The following ATP8A1 variants were observed in gnomAD, a reference collection of about 807,000 sequenced individuals.
The protein encoded by ATP8A1 is ATPase phospholipid transporting 8A1, also known as phospholipid-transporting ATPase IA.
Under a neutral mutation model 177.7 loss-of-function variants are expected in ATP8A1, and 90 were observed. The ratio of observed to expected loss-of-function variants is 0.51; its 90% CI spans 0.43 to 0.60. The LOEUF (loss-of-function observed/expected upper bound fraction) is 0.60, where lower values mean the gene tolerates loss of function less well. Among genes scored for constraint, ATP8A1 ranks in the 20% least tolerant of loss-of-function variants. The pLI is 0.00. For missense variants in ATP8A1, 1,072 were observed against 1,392.8 expected (o/e 0.77, Z 3.67); for synonymous variants, 493 against 485.9 (o/e 1.01, Z -0.19).
chr4:42,503,568 G>C lies in ATP8A1; in HGVS notation c.2087-54C>G, dbSNP rs1440755687. On this transcript the variant is annotated intron_variant, in intron 23 of 36. Transcript: ENST00000381668. ...TTAATTTCTCCAGAGAATATGTAAA[G>C]ATGTTAAAACAATGATATGTACTAT... The C allele has an allele frequency of 5.8e-6, 7 of 1,202,116 alleles. No individual in the cohort carries two copies. The African/African-American group carries it at 1.1e-4, about 18-fold the overall frequency. The allele number at this position is 1,202,116 out of a possible 1,614,324, so 74.5% of individuals were successfully genotyped here. A position where few individuals can be genotyped will look rare whatever the true frequency, so the allele number is the denominator to read the frequency against.
At position 42,600,451 on chromosome 4, in the gene ATP8A1, T is replaced by C. The variant is rs750521926; in HGVS notation, c.450+27A>G. The C allele has an allele frequency of 5.6e-6, 9 of 1,594,164 alleles. No homozygotes were observed. The African/African-American group carries it at 6.8e-5, about 12-fold the overall frequency. ...GTACACCGCTATGTATTTCTTCTCCTGGAACAAAATAAAAATCAGTGCATA... is the reference window on the plus strand; with the variant it reads ...GTACACCGCTATGTATTTCTTCTCCCGGAACAAAATAAAAATCAGTGCATA... On this transcript the variant is annotated intron_variant, in intron 6 of 36. Transcript: ENST00000381668.
intron 22 of ATP8A1, among the ~76,000 whole-genome samples, chr4:42,507,780 TAAAAAAAAAAAAAA>T: frequency 2.3e-4 from 4 of 17,700 alleles, no homozygotes; most frequent in Non-Finnish European, 3.0e-4. Context: ...ACAGGCATTC[TAAAAAAAAAAAAAA>T]AAAAAAAAAA....
chr4:42,521,297 C>T (rs1031312387), intron 22 of ATP8A1, among the ~76,000 whole-genome samples: 2 of 152,138 alleles, frequency 1.3e-5, no homozygotes, highest in Admixed American at 6.5e-5. Flanking sequence ...ATTCTGGCTC[C>T]CCCTATTAGA....
chr4:42,560,250 T>TA (rs944123103), intron 15 of ATP8A1, among the ~76,000 whole-genome samples: 10 of 152,148 alleles, frequency 6.6e-5, no homozygotes, highest in Non-Finnish European at 1.0e-4. Context: ...TCGGTAAAGA[T>TA]ACACTTGAAA....
At chr4:42,630,729 T>G (rs1738645041) in intron 1 of ATP8A1, among the ~76,000 whole-genome samples, 1 of 152,208 alleles carries the variant, frequency 6.6e-6, no homozygotes, top group Non-Finnish European at 1.5e-5. Context: ...CCATTTTCTC[T>G]GGGTTCAGAC....
intron 22 of ATP8A1, among the ~76,000 whole-genome samples, chr4:42,517,680 A>G (rs1725701548): frequency 6.6e-6 from 1 of 152,264 alleles, no homozygotes; most frequent in Admixed American, 6.5e-5. Context: ...AAAAGAAAAA[A>G]TAAACAAAAT....
At chr4:42,472,515 G>A (rs1190326523) in intron 25 of ATP8A1, 5 of 254,352 alleles carry the variant, frequency 2.0e-5, no homozygotes, top group South Asian at 1.8e-4. Context: ...TTGGGAAGCC[G>A]AGGTGGGCGG....
intron 15 of ATP8A1, 86 bp from the exon 16 acceptor site, chr4:42,556,126 T>C: frequency 1.1e-6 from 1 of 890,264 alleles, no homozygotes; most frequent in Non-Finnish European, 1.7e-6. Context: ...GAGTAAAGTG[T>C]TATGTCTCCA....
Position 42,488,700 on chromosome 4 carries a change from A to G in ATP8A1, c.2152-3032T>C, listed in dbSNP as rs1006482526. Among the ~76,000 whole-genome samples, 4 of 152,224 alleles carry G rather than the reference A, an allele frequency of 2.6e-5. 1 individual carries two copies. The highest frequency in any genetic ancestry group is 4.2e-4 in the South Asian group (2 of 4,812). ...ACTTTCCTTCCCAGTGCCCTTCACA[A>G]TCTTGGTTTCTTTTGTTTCCCTCTT... On this transcript the variant is annotated intron_variant, in intron 24 of 36. Transcript: ENST00000381668.
Position 42,412,805 on chromosome 4 carries a change from G to GATCT in ATP8A1, c.*107_*110dup. On this transcript the variant is annotated 3_prime_UTR_variant, in exon 37 of 37. Coordinates refer to ENST00000381668, the MANE Select transcript of ATP8A1 (RefSeq NM_006095.2). Reference sequence around the variant, plus strand: ...AATGTCCATCAGCGAGATGAGCTCAGATCTACCTTTCCTCTTCATGGACCA... The same window carrying GATCT: ...AATGTCCATCAGCGAGATGAGCTCAGATCTATCTACCTTTCCTCTTCATGGACCA... 1.2e-6 allele frequency: 1 copy of GATCT among 825,792 alleles called. No homozygotes were observed. Among genetic ancestry groups the GATCT allele is most frequent in the Non-Finnish European group, 2.0e-6 (1 of 505,684 alleles). The allele number at this position is 825,792 out of a possible 1,614,324, so 51.2% of individuals were successfully genotyped here.
At chr4:42,564,877 A>G (rs1039656383) in intron 15 of ATP8A1, among the ~76,000 whole-genome samples, 34 of 152,280 alleles carry the variant, frequency 2.2e-4, no homozygotes, top group African/African-American at 7.9e-4. Flanking sequence ...CTCACCTTGA[A>G]TTCCCACGTG....
chr4:42,425,369 C>T (rs1379017400), intron 33 of ATP8A1, among the ~76,000 whole-genome samples: 1 of 152,072 alleles, frequency 6.6e-6, no homozygotes. Flanking sequence ...GAGTGACTGG[C>T]GCCCCACCAT....
intron 22 of ATP8A1, among the ~76,000 whole-genome samples, chr4:42,510,723 G>A (rs1035833692): frequency 6.6e-5 from 10 of 152,052 alleles, no homozygotes; most frequent in African/African-American, 2.4e-4. Flanking sequence ...GGGGAAAAAT[G>A]AGCTCAGAAA....
At chr4:42,577,059 A>G (rs1365989921) in intron 12 of ATP8A1, among the ~76,000 whole-genome samples, 1 of 152,222 alleles carries the variant, frequency 6.6e-6, no homozygotes, top group Non-Finnish European at 1.5e-5. Context: ...TCAGTGTTCT[A>G]TCTGTCAGAT....
At chr4:42,546,593 A>C (rs969160570) in intron 19 of ATP8A1, among the ~76,000 whole-genome samples, 15 of 151,364 alleles carry the variant, frequency 9.9e-5, no homozygotes, top group East Asian at 1.9e-4. Flanking sequence ...AAAAAAAAAA[A>C]AACAAAAAAA....
chr4:42,485,321 A>G (rs1458769105), intron 25 of ATP8A1, among the ~76,000 whole-genome samples, 175 bp downstream of exon 25: 2 of 152,234 alleles, frequency 1.3e-5, no homozygotes, highest in Non-Finnish European at 2.9e-5. Context: ...GTTAGGACTC[A>G]CTTTTTAAAA....
At chr4:42,422,966 T>C (rs1446504594) in intron 34 of ATP8A1, 67 bp from the exon 35 acceptor site, 2 of 1,258,276 alleles carry the variant, frequency 1.6e-6, no homozygotes, top group African/African-American at 1.5e-5. Context: ...AAACTAGATG[T>C]CTGGCTTATT....
At chr4:42,656,707 A>G in intron 1 of ATP8A1, 118 bp downstream of exon 1, 1 of 1,240,886 alleles carries the variant, frequency 8.1e-7, no homozygotes. Context: ...CGGGCGCGAC[A>G]GTCGGACTGC....
intron 32 of ATP8A1, 57 bp downstream of exon 32, chr4:42,444,520 TG>T: frequency 4.0e-6 from 6 of 1,509,356 alleles, no homozygotes; most frequent in Non-Finnish European, 5.5e-6. Context: ...CCACCAAGAC[TG>T]GAGATAATGC....
Sources: gnomAD v4.1 joint callset for allele counts (sites outside exome capture counted in the v4.1 genomes callset) on GRCh38, gnomAD v4.1.1 for gene constraint, MANE v1.5 for transcripts, NCBI Gene and HGNC (gene_info 2026-07-23, HGNC 2026-07-21) for gene names.